TBC1D14: variants seen among roughly 807,000 people sequenced by gnomAD.
TBC1D14 encodes the protein TBC1 domain family member 14.
In TBC1D14, 26 loss-of-function variants were observed where a neutral mutation model predicts 79.0. The observed-to-expected ratio is 0.33, with a 90% confidence interval of 0.24 to 0.46. The LOEUF (loss-of-function observed/expected upper bound fraction) is 0.46. Among genes scored for constraint, TBC1D14 ranks in the 20% least tolerant of loss-of-function variants. The pLI is 1.00. For synonymous variants in TBC1D14, 394 were observed against 349.9 expected, an observed-to-expected ratio of 1.13 and a Z score of -1.40; for missense variants, 769 against 887.6, an observed-to-expected ratio of 0.87 and a Z score of 1.70.
chr4:6,952,781 T>C (rs1303552651), intron 2 of TBC1D14, among the ~76,000 whole-genome samples: 1 of 152,124 alleles, frequency 6.6e-6, no homozygotes, highest in Non-Finnish European at 1.5e-5. Context: ...CTGAATGGCG[T>C]TGGCTCCAAG....
In TBC1D14 at chr4:6,978,054, C is replaced by G. The variant is rs950694022; in HGVS notation, c.843+10630C>G. 1.1e-4 allele frequency among the ~76,000 whole-genome samples: 17 copies of G among 151,868 alleles called. No homozygotes were observed. The East Asian group carries it at 2.7e-3, about 24-fold the overall frequency. Reference sequence around the variant, plus strand: ...GAGCGACTCCGCCCGGCAGCCACCCCGTCTGGGAGGGAGGTGGGGGTCAGC... The same window carrying G: ...GAGCGACTCCGCCCGGCAGCCACCCGGTCTGGGAGGGAGGTGGGGGTCAGC... On this transcript the variant is annotated intron_variant, in intron 3 of 13. Coordinates refer to ENST00000409757, the MANE Select transcript of TBC1D14 (RefSeq NM_020773.3).
intron 12 of TBC1D14, 89 bp downstream of exon 12, chr4:7,014,646 G>A (rs945950742): frequency 4.5e-6 from 4 of 891,618 alleles, no homozygotes; most frequent in Admixed American, 2.0e-5. Flanking sequence ...TTCATGGCCC[G>A]GCTGAGTCCT....
chr4:6,956,858 G>A (rs1378907354), intron 2 of TBC1D14, among the ~76,000 whole-genome samples: 2 of 152,224 alleles, frequency 1.3e-5, no homozygotes, highest in African/African-American at 4.8e-5. Flanking sequence ...AGAGAGCCGC[G>A]GTTCCTCACC....
intron 9 of TBC1D14, among the ~76,000 whole-genome samples, chr4:7,008,544 C>G (rs1720437819): frequency 6.6e-6 from 1 of 152,200 alleles, no homozygotes; most frequent in Admixed American, 6.5e-5. Flanking sequence ...TCCCGAGTAG[C>G]TGGGATTACA....
At chr4:6,979,085 T>G (rs944568571) in intron 3 of TBC1D14, among the ~76,000 whole-genome samples, 1 of 152,068 alleles carries the variant, frequency 6.6e-6, no homozygotes, top group African/African-American at 2.4e-5. Context: ...ATTGTAATCC[T>G]TAGACCAACC....
chr4:6,997,133 G>A (rs890545759), intron 5 of TBC1D14: 6 of 152,266 alleles, frequency 3.9e-5, no homozygotes, highest in African/African-American at 1.4e-4. Context: ...CGTCCCTCCC[G>A]AAGCTGTGTG....
intron 1 of TBC1D14, among the ~76,000 whole-genome samples, chr4:6,920,852 C>T (rs1425614333): frequency 1.3e-5 from 2 of 152,230 alleles, no homozygotes; most frequent in African/African-American, 2.4e-5. Flanking sequence ...GATCTCCGCT[C>T]ACTGCAACCT....
intron 3 of TBC1D14, among the ~76,000 whole-genome samples, chr4:6,992,013 G>A (rs1043375494): frequency 2.0e-5 from 3 of 152,140 alleles, no homozygotes; most frequent in South Asian, 4.1e-4. Flanking sequence ...TGCCTTTCCC[G>A]TGGTTTCAGG....
chr4:7,001,010 T>C, intron 6 of TBC1D14, 135 bp from the exon 7 acceptor site: 1 of 687,864 alleles, frequency 1.5e-6, no homozygotes, highest in Non-Finnish European at 2.6e-6. Flanking sequence ...CCCTGGACTC[T>C]AAGCTTCCTG....
chr4:7,024,840 A>T (rs369794072), intron 12 of TBC1D14, among the ~76,000 whole-genome samples, 164 bp from the exon 13 acceptor site: 1 of 152,164 alleles, frequency 6.6e-6, no homozygotes, highest in Non-Finnish European at 1.5e-5. Context: ...GTCCTGAGCG[A>T]TGTTAGAATT....
rs1053534456 is a variant in TBC1D14, at chr4:7,032,884, T to C, written c.*2492T>C. 5 of 152,346 alleles carry C rather than the reference T, an allele frequency of 3.3e-5. No homozygotes were observed. Among genetic ancestry groups the C allele is most frequent in the African/African-American group, 7.2e-5 (3 of 41,442 alleles). The allele number at this position is 152,346 out of a possible 1,614,324, so 9.4% of individuals were successfully genotyped here. On this transcript the variant is annotated 3_prime_UTR_variant, in exon 14 of 14. Coordinates refer to ENST00000409757, the MANE Select transcript of TBC1D14 (RefSeq NM_020773.3). Reference sequence around the variant, plus strand: ...GTGAGGCTGCCTCTCCCGCCAGGCATTGGGATCCCATTTAGAAACGGCATT... The same window carrying C: ...GTGAGGCTGCCTCTCCCGCCAGGCACTGGGATCCCATTTAGAAACGGCATT...
intron 3 of TBC1D14, among the ~76,000 whole-genome samples, chr4:6,967,932 G>A (rs1030326892): frequency 6.6e-6 from 1 of 152,144 alleles, no homozygotes; most frequent in Admixed American, 6.5e-5. Flanking sequence ...TGCCAGGCCT[G>A]CATGTCCTCA....
rs117217830 is a variant in TBC1D14 at position 7,016,224 on chromosome 4, C to T, written c.1757+1667C>T. ...GAATCTTGTAGCTGAAGCCACAAGGCGCTGGTGACAGGACAGTGAACATGG... is the reference window on the plus strand; with the variant it reads ...GAATCTTGTAGCTGAAGCCACAAGGTGCTGGTGACAGGACAGTGAACATGG... On this transcript the variant is annotated intron_variant, in intron 12 of 13. Transcript: ENST00000409757. Among the ~76,000 whole-genome samples the T allele has an allele frequency of 3.9e-5, 6 of 152,304 alleles. No homozygotes were observed. The East Asian group carries it at 9.6e-4, about 24-fold the overall frequency.
chr4:6,959,378 G>C (rs1017909613), intron 2 of TBC1D14, among the ~76,000 whole-genome samples: 3 of 152,176 alleles, frequency 2.0e-5, no homozygotes, highest in African/African-American at 7.2e-5. Context: ...CTCAGAAGCA[G>C]TGCCTGCCAA....
rs1723171837 is a variant in TBC1D14 at position 7,032,707 on chromosome 4, T to TA, written c.*2316dup. The TA allele has an allele frequency of 6.6e-6, 1 of 152,228 alleles. No homozygotes were observed. The allele number at this position is 152,228 out of a possible 1,614,324, so 9.4% of individuals were successfully genotyped here. A position where few individuals can be genotyped will look rare whatever the true frequency, so the allele number is the denominator to read the frequency against. ...TCGGCACAGAGGCTGTTGGCAAGTG[T>TA]AGAGGCTGCCTCTGTGTGTGGTTTA... On this transcript the variant is annotated 3_prime_UTR_variant, in exon 14 of 14. Coordinates refer to ENST00000409757, the MANE Select transcript of TBC1D14 (RefSeq NM_020773.3).
chr4:6,936,432 A>G (rs1208452066), intron 2 of TBC1D14, among the ~76,000 whole-genome samples: 1 of 152,232 alleles, frequency 6.6e-6, no homozygotes, highest in African/African-American at 2.4e-5. Context: ...TTACTTAGTA[A>G]TGTAAATCCG....
At chr4:7,005,537 G>GA (rs1314394090) in intron 8 of TBC1D14, among the ~76,000 whole-genome samples, 2 of 150,934 alleles carry the variant, frequency 1.3e-5, no homozygotes, top group African/African-American at 2.4e-5. Flanking sequence ...TCTGTCTCAA[G>GA]AAAAAACAAA....
intron 2 of TBC1D14, among the ~76,000 whole-genome samples, chr4:6,964,066 G>C (rs533386673): frequency 2.0e-5 from 3 of 152,242 alleles, no homozygotes; most frequent in African/African-American, 7.2e-5. Flanking sequence ...AAAGTACTGG[G>C]ATTACAGGTG....
chr4:6,936,307 G>A (rs1712322824), intron 2 of TBC1D14, among the ~76,000 whole-genome samples: 3 of 152,202 alleles, frequency 2.0e-5, no homozygotes, highest in South Asian at 4.1e-4. Flanking sequence ...TGATCCACCT[G>A]TCCGTCTCTC....
Sources: gnomAD v4.1 joint callset for allele counts (sites outside exome capture counted in the v4.1 genomes callset) on GRCh38, gnomAD v4.1.1 for gene constraint, MANE v1.5 for transcripts, NCBI Gene and HGNC (gene_info 2026-07-23, HGNC 2026-07-21) for gene names.